UGT1A8: variants seen among roughly 807,000 people sequenced by gnomAD.
UGT1A8 encodes the protein UDP-glucuronosyltransferase 1A8.
A neutral mutation model predicts 45.3 loss-of-function variants in UGT1A8; 39 were observed. The observed-to-expected ratio is 0.86, with a 90% CI of 0.67 to 1.12. The LOEUF is 1.12. Ranked by LOEUF, UGT1A8 falls within the 50% of genes most tolerant of loss-of-function variation. UGT1A8 has a pLI of 0.00. For missense variants in UGT1A8, 719 were observed against 664.9 expected (o/e 1.08, Z -0.90); for synonymous variants, 275 against 249.2 (o/e 1.10, Z -0.97).
chr2:233,741,046 C>A (rs1691547003), intron 1 of UGT1A8, among the ~76,000 whole-genome samples: 1 of 151,736 alleles, frequency 6.6e-6, no homozygotes, highest in African/African-American at 2.4e-5. Context: ...ATGATCTTGC[C>A]TAGGTAACAG....
chr2:233,701,815 T>C (rs569445521), intron 1 of UGT1A8, among the ~76,000 whole-genome samples: 1 of 152,210 alleles, frequency 6.6e-6, no homozygotes, highest in South Asian at 2.1e-4. Flanking sequence ...AGACACAACA[T>C]ACCAGAATCT....
chr2:233,655,570 C>T (rs1458072802), intron 1 of UGT1A8, among the ~76,000 whole-genome samples: 1 of 151,958 alleles, frequency 6.6e-6, no homozygotes, highest in Non-Finnish European at 1.5e-5. Flanking sequence ...TCATCTTGTC[C>T]TAGAAAAACT....
intron 1 of UGT1A8, among the ~76,000 whole-genome samples, chr2:233,733,657 G>A (rs1194673085): frequency 2.0e-5 from 3 of 152,158 alleles, no homozygotes; most frequent in South Asian, 2.1e-4. Context: ...GGATGAAGCC[G>A]ACTTGATCGA....
intron 1 of UGT1A8, among the ~76,000 whole-genome samples, chr2:233,660,484 A>G (rs2073940799): frequency 6.6e-6 from 1 of 152,156 alleles, no homozygotes; most frequent in South Asian, 2.1e-4. Context: ...GATTTCAGAG[A>G]CAAAGCGTTG....
At position 233,692,517 on chromosome 2, in the gene UGT1A8, C is replaced by T. The variant is rs28899169; in HGVS notation, c.855+73955C>T. ...GACTGAGCCCTTAACCTGTGGGGTC[C>T]GTGCTAACTCAGAATTCAGTTCAGA... On this transcript the variant is annotated intron_variant, in intron 1 of 4. Transcript: ENST00000373450. Among the ~76,000 whole-genome samples the T allele has an allele frequency of 3.8e-3, 571 of 152,144 alleles. 7 individuals carry two copies. Among genetic ancestry groups the T allele is most frequent in the African/African-American group, 0.013 (547 of 41,518 alleles).
chr2:233,764,332 A>G (rs1422714629), intron 1 of UGT1A8, among the ~76,000 whole-genome samples: 2 of 152,124 alleles, frequency 1.3e-5, no homozygotes, highest in Non-Finnish European at 2.9e-5. Flanking sequence ...CAAGTAGGGG[A>G]TGGACTTCAC....
At chr2:233,748,111 T>C (rs1693869391) in intron 1 of UGT1A8, 3 of 1,612,162 alleles carry the variant, frequency 1.9e-6, no homozygotes, top group Non-Finnish European at 2.5e-6. Flanking sequence ...CAATCAATGT[T>C]CCAGGCAAAA....
At chr2:233,650,153 A>G (rs2073703879) in intron 1 of UGT1A8, among the ~76,000 whole-genome samples, 1 of 152,130 alleles carries the variant, frequency 6.6e-6, no homozygotes, top group South Asian at 2.1e-4. Context: ...TAATTTTAGT[A>G]GAGGCAGGGT....
chr2:233,746,992 G>A (rs1559391678), intron 1 of UGT1A8, among the ~76,000 whole-genome samples: 2 of 151,858 alleles, frequency 1.3e-5, no homozygotes, highest in Non-Finnish European at 2.9e-5. Context: ...AGGGTCAGAT[G>A]AGTTTTTCAA....
chr2:233,617,664 A>G lies in UGT1A8; in HGVS notation c.-44A>G, dbSNP rs1575379289. The G allele has an allele frequency of 6.3e-7, 1 of 1,585,752 alleles. No homozygotes were observed. The highest frequency in any genetic ancestry group is 1.2e-5 in the South Asian group (1 of 85,506). On this transcript the variant is annotated 5_prime_UTR_variant, in exon 1 of 5. In the 5' UTR this introduces an upstream ATG that the reference lacks. Coordinates refer to ENST00000373450, the MANE Select transcript of UGT1A8 (RefSeq NM_019076.5). Reference sequence around the variant, plus strand: ...GTAGTTCTTCCGCCTACTGTATCATAGCAGCTTAGAATCCCAGCTGCTGGC... The same window carrying G: ...GTAGTTCTTCCGCCTACTGTATCATGGCAGCTTAGAATCCCAGCTGCTGGC...
intron 1 of UGT1A8, chr2:233,718,953 C>T (rs369434904): frequency 1.1e-4 from 171 of 1,614,048 alleles, no homozygotes; most frequent in South Asian, 1.0e-3. Flanking sequence ...GCTCAGCATG[C>T]GGGAGGCCTT....
chr2:233,667,109 T>C (rs1186953568), intron 1 of UGT1A8, among the ~76,000 whole-genome samples: 3 of 152,192 alleles, frequency 2.0e-5, no homozygotes, highest in Admixed American at 1.3e-4. Context: ...GCAATAAACA[T>C]ACGTGTGCAT....
At chr2:233,756,974 T>G (rs1036999646) in intron 1 of UGT1A8, among the ~76,000 whole-genome samples, 2 of 151,942 alleles carry the variant, frequency 1.3e-5, no homozygotes, top group African/African-American at 4.8e-5. Flanking sequence ...AAGCACGCAA[T>G]GAACAGTCAT....
rs201093245 is a variant in UGT1A8, at chr2:233,760,862, A to G, written c.856-6172A>G. ...ACCCAGTGCCCCAACCCATTCTCCT[A>G]CGTGCCCAGGCCTCTCTCCTCTCAT... is the stretch of plus-strand genomic sequence containing the variant. On this transcript the variant is annotated intron_variant, in intron 1 of 4. Transcript: ENST00000373450. 6.2e-7 allele frequency: 1 copy of G among 1,614,000 alleles called. No homozygotes were observed. The highest frequency in any genetic ancestry group is 1.7e-5 in the Admixed American group (1 of 60,012).
intron 1 of UGT1A8, among the ~76,000 whole-genome samples, chr2:233,730,329 G>A (rs1170762971): frequency 1.3e-5 from 2 of 152,172 alleles, no homozygotes; most frequent in Non-Finnish European, 2.9e-5. Context: ...GGGACACTAC[G>A]TTTGGAACTG....
At chr2:233,720,685 A>G (rs2076880777) in intron 1 of UGT1A8, among the ~76,000 whole-genome samples, 1 of 151,384 alleles carries the variant, frequency 6.6e-6, no homozygotes, top group Non-Finnish European at 1.5e-5. Flanking sequence ...TGGTTTCTAA[A>G]TCCATTAAGG....
At chr2:233,724,373 G>A (rs2077243992) in intron 1 of UGT1A8, among the ~76,000 whole-genome samples, 1 of 147,660 alleles carries the variant, frequency 6.8e-6, no homozygotes, top group African/African-American at 2.5e-5. Flanking sequence ...CGGGGTGGCT[G>A]CCGGGCGGAG....
chr2:233,679,981 T>C (rs1446768495), intron 1 of UGT1A8, among the ~76,000 whole-genome samples: 1 of 152,200 alleles, frequency 6.6e-6, no homozygotes, highest in Non-Finnish European at 1.5e-5. Context: ...CAGCAATGTC[T>C]TCATGAATCT....
At chr2:233,722,096 T>C (rs1392126534) in intron 1 of UGT1A8, 1 of 203,514 alleles carries the variant, frequency 4.9e-6, no homozygotes, top group East Asian at 1.4e-4. Context: ...ACCTTAGGCC[T>C]CTTAGAGGAA....
Sources: allele counts gnomAD v4.1 joint callset (sites outside exome capture counted in the v4.1 genomes callset), GRCh38; gene constraint gnomAD v4.1.1; transcripts MANE v1.5; gene names NCBI Gene and HGNC (gene_info 2026-07-23, HGNC 2026-07-21).